CUL4A: variants seen among roughly 807,000 people sequenced by gnomAD.
CUL4A encodes the protein cullin 4A.
CUL4A carries 16 observed loss-of-function variants against 95.5 expected under a neutral mutation model. That is an observed-to-expected ratio of 0.17 (90% CI 0.11 to 0.25). The LOEUF (loss-of-function observed/expected upper bound fraction) is 0.25, where lower values mean the gene tolerates loss of function less well. Ranked by LOEUF, CUL4A falls within the 10% of genes least tolerant of loss-of-function variation. The pLI is 1.00. For synonymous variants in CUL4A, 380 were observed against 353.1 expected (o/e 1.08, Z -0.85); for missense variants, 610 against 937.0 (o/e 0.65, Z 4.56).
At chr13:113,251,086 T>A (rs1326010793) in intron 15 of CUL4A, among the ~76,000 whole-genome samples, 1 of 152,186 alleles carries the variant, frequency 6.6e-6, no homozygotes, top group Admixed American at 6.5e-5. Flanking sequence ...TGGTGCCATG[T>A]ACAGTGCTGC....
In CUL4A at chr13:113,229,503, A is replaced by G; in HGVS notation, c.496A>G (p.Thr166Ala). ...LDRTYVLQNS[T>A]LPSIWDMGLE... ...CCGCACCTATGTGCTGCAGAACTCC[A>G]CGCTGCCCTCCATCTGGTGAGTGTC... The change falls in exon 5 of 20, where the codon ACG (threonine) becomes GCG (alanine). Residue 166 changes from threonine to alanine, a missense_variant. Thr to Ala is a moderately conservative substitution (Grantham distance 58, BLOSUM62 0). Coordinates refer to ENST00000375440, the MANE Select transcript of CUL4A (RefSeq NM_001008895.4). 6.2e-7 allele frequency: 1 copy of G among 1,613,458 alleles called. No individual in the cohort carries two copies. Among genetic ancestry groups the G allele is most frequent in the Non-Finnish European group, 8.5e-7 (1 of 1,179,962 alleles).
intron 15 of CUL4A, among the ~76,000 whole-genome samples, chr13:113,250,452 G>A (rs189185545): frequency 2.2e-4 from 33 of 152,166 alleles, no homozygotes; most frequent in East Asian, 9.7e-4. Context: ...ATCCGAGACC[G>A]TGTCTCAAAA....
intron 19 of CUL4A, 126 bp downstream of exon 19, chr13:113,260,885 ATG>A: frequency 1.4e-6 from 1 of 734,500 alleles, no homozygotes. Context: ...TATACACTGA[ATG>A]TAGAAAAACT....
At chr13:113,242,443 G>GT (rs2041743553) in intron 10 of CUL4A, among the ~76,000 whole-genome samples, 1 of 152,150 alleles carries the variant, frequency 6.6e-6, no homozygotes, top group African/African-American at 2.4e-5. Context: ...CCAGTCGTTT[G>GT]TAAGTTCTCT....
At chr13:113,248,037 A>G (rs1264417194) in intron 15 of CUL4A, among the ~76,000 whole-genome samples, 1 of 152,056 alleles carries the variant, frequency 6.6e-6, no homozygotes, top group Non-Finnish European at 1.5e-5. Context: ...GCGCACTATC[A>G]CGTGCCCCAG....
intron 5 of CUL4A, among the ~76,000 whole-genome samples, chr13:113,231,419 A>G (rs571240651): frequency 6.6e-6 from 1 of 152,328 alleles, no homozygotes; most frequent in African/African-American, 2.4e-5. Flanking sequence ...GGACGGCAGC[A>G]TGACCAGAAG....
chr13:113,226,017 A>C (rs892636191), intron 3 of CUL4A, among the ~76,000 whole-genome samples: 2 of 152,188 alleles, frequency 1.3e-5, no homozygotes, highest in African/African-American at 4.8e-5. Flanking sequence ...AGCTTTGGTC[A>C]CAGCACTTCC....
intron 3 of CUL4A, among the ~76,000 whole-genome samples, chr13:113,221,948 G>C (rs1566328268): frequency 6.6e-6 from 1 of 152,252 alleles, no homozygotes; most frequent in African/African-American, 2.4e-5. Flanking sequence ...CACCTGTGTA[G>C]GGGAGCATTG....
chr13:113,263,467 G>A lies in CUL4A; in HGVS notation c.2185-20G>A, dbSNP rs761128045. 4 of 1,528,950 alleles carry A rather than the reference G, an allele frequency of 2.6e-6. No individual in the cohort carries two copies. The highest frequency in any genetic ancestry group is 3.6e-5 in the Admixed American group (2 of 55,800). The allele number at this position is 1,528,950 out of a possible 1,614,324, so 94.7% of individuals were successfully genotyped here. A position where few individuals can be genotyped will look rare whatever the true frequency, so the allele number is the denominator to read the frequency against. On this transcript the variant is annotated intron_variant, in intron 19 of 19. Coordinates refer to ENST00000375440, the MANE Select transcript of CUL4A (RefSeq NM_001008895.4). ...ATTTAATGCCATTGTAATTAGGGGG[G>A]TTTTATTCTTCTTTTTTAGCCTGGA... is the stretch of plus-strand genomic sequence containing the variant.
chr13:113,243,282 G>T, intron 11 of CUL4A, 122 bp downstream of exon 11: 2 of 886,938 alleles, frequency 2.3e-6, no homozygotes, highest in South Asian at 2.0e-5. Context: ...TGCTCAAGGG[G>T]TGTGTGGAAA....
intron 2 of CUL4A, among the ~76,000 whole-genome samples, chr13:113,215,029 G>T (rs981182444): frequency 7.3e-4 from 109 of 149,154 alleles, no homozygotes; most frequent in African/African-American, 2.5e-3. Context: ...CTCGTCCTTT[G>T]TGGCTGTGGA....
At position 113,243,076 on chromosome 13, in the gene CUL4A, A is replaced by C. The variant is rs2041764163; in HGVS notation, c.1144A>C (p.Lys382Gln). Residue 382 changes from lysine (K) to glutamine (Q), a missense_variant, in exon 11 of 20, where the codon AAG becomes CAG. Physicochemically the swap from Lys to Gln is moderately conservative, Grantham distance 53 (BLOSUM62 1). Transcript: ENST00000375440. ...CCACGTGATCGAGGTCTGCTTCCAG[A>C]AGAATGAGCGGTTCGTCAACCTGAT... ...VDHVIEVCFQ[K>Q]NERFVNLMKE... The C allele has an allele frequency of 6.2e-7, 1 of 1,614,116 alleles. No individual in the cohort carries two copies. Among genetic ancestry groups the C allele is most frequent in the Non-Finnish European group, 8.5e-7 (1 of 1,180,046 alleles).
In CUL4A at chr13:113,236,836, G is replaced by A; in HGVS notation, c.862G>A (p.Ala288Thr). ...TACCTTATATAGGAAACCACTGATT[G>A]CTTGTGTGGAGAAACAGCTATTAGG... ...LDHSTQKPLI[A>T]CVEKQLLGEH... Residue 288 changes from alanine (A) to threonine (T), a missense_variant, in exon 9 of 20, where the codon GCT becomes ACT. Physicochemically the swap from Ala to Thr is moderately conservative, Grantham distance 58 (BLOSUM62 0). This residue lies in a region of CUL4A where 153 missense variants were observed against 244.5 expected (regional missense o/e 0.63). Transcript: ENST00000375440. 2 of 1,610,470 alleles carry A rather than the reference G, an allele frequency of 1.2e-6. No individual in the cohort carries two copies. Among genetic ancestry groups the A allele is most frequent in the Non-Finnish European group, 1.7e-6 (2 of 1,177,546 alleles).
chr13:113,244,930 C>T lies in CUL4A; in HGVS notation c.1334-19C>T, dbSNP rs939115685. 9 of 1,469,818 alleles carry T rather than the reference C, an allele frequency of 6.1e-6. No homozygotes were observed. The highest frequency in any genetic ancestry group is 8.6e-6 in the Non-Finnish European group (9 of 1,049,608). 91.0% of individuals were successfully genotyped at this position (1,469,818 alleles called of 1,614,324 possible). On this transcript the variant is annotated intron_variant, in intron 12 of 19. Coordinates refer to ENST00000375440, the MANE Select transcript of CUL4A (RefSeq NM_001008895.4). ...TCAACTCTCTGATGTCTTGATTATT[C>T]TCGTCTGGTTATAAATAGGTAAAGA...
At position 113,235,301 on chromosome 13, in the gene CUL4A, G is replaced by A. The variant is rs77646961; in HGVS notation, c.848+156G>A. 5.3e-3 allele frequency among the ~76,000 whole-genome samples: 804 copies of A among 152,254 alleles called. 7 individuals carry two copies. The highest frequency in any genetic ancestry group is 0.019 in the African/African-American group (771 of 41,540). ...TTTACTTTGTTATTTGTCATTATTT[G>A]GCATTCACAAATTACAGTTTTTACC... On this transcript the variant is annotated intron_variant, in intron 8 of 19. Coordinates refer to ENST00000375440, the MANE Select transcript of CUL4A (RefSeq NM_001008895.4).
At chr13:113,232,000 CTGTTA>C (rs1240710121) in intron 5 of CUL4A, among the ~76,000 whole-genome samples, 1 of 125,506 alleles carries the variant, frequency 8.0e-6, no homozygotes, top group African/African-American at 2.7e-5. Context: ...CCGCCTACCA[CTGTTA>C]CTACTGCCAC....
In CUL4A at chr13:113,230,947, A is replaced by AT. The variant is rs201455271; in HGVS notation, c.512+1434dup. Among the ~76,000 whole-genome samples the AT allele has an allele frequency of 8.9e-3, 1,356 of 152,014 alleles. 13 individuals carry two copies. Among genetic ancestry groups the AT allele is most frequent in the Non-Finnish European group, 0.013 (912 of 67,970 alleles). On this transcript the variant is annotated intron_variant, in intron 5 of 19. Transcript: ENST00000375440. The stretch of plus-strand genomic sequence containing the variant: ...CACCACATTCGACTAACTTCTAAAA[A>AT]TTTTTTGTAGTGCCAGGATCTTGCT...
chr13:113,258,195 T>C lies in CUL4A; in HGVS notation c.2032-2412T>C, dbSNP rs560366327. Among the ~76,000 whole-genome samples the C allele has an allele frequency of 1.7e-3, 261 of 152,238 alleles. 3 individuals carry two copies. The highest frequency in any genetic ancestry group is 6.0e-3 in the African/African-American group (250 of 41,538). The stretch of plus-strand genomic sequence containing the variant: ...TTGTAGAGATGAGGCCTTGCCATGT[T>C]ACCCAGGCTGGTCTTGAACTCCTGG... On this transcript the variant is annotated intron_variant, in intron 18 of 19. Transcript: ENST00000375440.
chr13:113,218,808 T>C (rs1442483135), intron 2 of CUL4A, 137 bp from the exon 3 acceptor site: 11 of 595,520 alleles, frequency 1.8e-5, no homozygotes, highest in Non-Finnish European at 3.2e-5. Context: ...AAGTAATTTA[T>C]TTGTAGATTC....
Sources: allele counts gnomAD v4.1 joint callset (sites outside exome capture counted in the v4.1 genomes callset), GRCh38; gene constraint gnomAD v4.1.1; regional missense constraint gnomAD v4.1.1; transcripts MANE v1.5; gene names NCBI Gene and HGNC (gene_info 2026-07-23, HGNC 2026-07-21).